The following FAM20C variants were observed in gnomAD, a reference collection of about 807,000 sequenced individuals.
FAM20C encodes FAM20C golgi associated secretory pathway kinase, also known as extracellular serine/threonine protein kinase FAM20C.
FAM20C carries 40 observed loss-of-function variants against 51.5 expected under a neutral mutation model. The ratio of observed to expected loss-of-function variants is 0.78; its 90% CI spans 0.60 to 1.01. The LOEUF (loss-of-function observed/expected upper bound fraction) is 1.01. Ranked by LOEUF, FAM20C falls within the 50% of genes least tolerant of loss-of-function variation. The pLI is 0.00. For missense variants in FAM20C, 861 were observed against 844.7 expected, an observed-to-expected ratio of 1.02 and a Z score of -0.24; for synonymous variants, 406 against 380.6, an observed-to-expected ratio of 1.07 and a Z score of -0.78.
intron 3 of FAM20C, among the ~76,000 whole-genome samples, chr7:219,018 G>A (rs1369055313): frequency 1.3e-5 from 2 of 152,178 alleles, no homozygotes; most frequent in Non-Finnish European, 1.5e-5. Flanking sequence ...CCTGTTAGTG[G>A]CTCAGACAGG....
Position 259,715 on chromosome 7 carries a change from C to A in FAM20C, c.1506-16C>A, listed in dbSNP as rs982934098. On this transcript the variant is annotated splice_polypyrimidine_tract_variant and intron_variant, in intron 9 of 9. Coordinates refer to ENST00000313766, the MANE Select transcript of FAM20C (RefSeq NM_020223.4). ...CCCCTGTCCCGTGCCAGGCCTGATG[C>A]CCCTCTCCTCCCCAGGATCCGGAAG... 3.3e-6 allele frequency: 5 copies of A among 1,526,750 alleles called. No homozygotes were observed. Among genetic ancestry groups the A allele is most frequent in the African/African-American group, 2.7e-5 (2 of 73,038 alleles). 94.6% of individuals were successfully genotyped at this position (1,526,750 alleles called of 1,614,324 possible).
chr7:195,898 G>A (rs1263622108), intron 2 of FAM20C, among the ~76,000 whole-genome samples, 166 bp downstream of exon 2: 4 of 152,242 alleles, frequency 2.6e-5, no homozygotes, highest in Non-Finnish European at 2.9e-5. Flanking sequence ...CAGAGGGCTC[G>A]CGTCTCGTGT....
chr7:195,480 G>C (rs148161040), intron 1 of FAM20C, 74 bp from the exon 2 acceptor site: 5 of 1,325,644 alleles, frequency 3.8e-6, no homozygotes, highest in Non-Finnish European at 3.9e-6. Context: ...ACTGGCGTCG[G>C]TGCCCTCTCC....
At chr7:217,114 G>T (rs758948441) in intron 3 of FAM20C, among the ~76,000 whole-genome samples, 47 of 152,172 alleles carry the variant, frequency 3.1e-4, no homozygotes, top group Non-Finnish European at 5.6e-4. Flanking sequence ...AGAGGAGGAT[G>T]GCCGTCAGCG....
rs61730252 is a variant in FAM20C at position 195,681 on chromosome 7, G to A, written c.733G>A (p.Ala245Thr). Reference protein sequence around the residue: ...RYELYSRHNPAIEALLHDLSS... With the variant: ...RYELYSRHNPTIEALLHDLSS... ...CGAGCTGTACTCCAGACACAACCCG[G>A]CCATCGAGGCCCTGCTGCACGACCT... Residue 245 changes from alanine to threonine, a missense_variant, in exon 2 of 10, where the codon GCC (alanine) becomes ACC (threonine). Ala to Thr is a moderately conservative substitution (Grantham distance 58). This residue lies in a region of FAM20C where 561 missense variants were observed against 499.8 expected (regional missense o/e 1.12). Transcript: ENST00000313766. 491 of 1,610,888 alleles carry A rather than the reference G, an allele frequency of 3.0e-4. 1 individual carries two copies. The African/African-American group carries it at 4.7e-3, about 16-fold the overall frequency.
At chr7:201,321 A>G (rs1786118136) in intron 2 of FAM20C, among the ~76,000 whole-genome samples, 1 of 152,192 alleles carries the variant, frequency 6.6e-6, no homozygotes, top group South Asian at 2.1e-4. Flanking sequence ...TGACGGCAGC[A>G]TCTCACACCT....
chr7:255,274 G>A (rs1346230690), intron 5 of FAM20C, among the ~76,000 whole-genome samples: 1 of 152,198 alleles, frequency 6.6e-6, no homozygotes, highest in East Asian at 1.9e-4. Flanking sequence ...AGCCATCCCA[G>A]CAGACAGGAG....
chr7:241,556 T>TCG (rs1554254229), intron 3 of FAM20C, among the ~76,000 whole-genome samples: 1 of 148,952 alleles, frequency 6.7e-6, no homozygotes, highest in African/African-American at 2.5e-5. Flanking sequence ...TCTGTGGGGG[T>TCG]TGTGTGTGTG....
At chr7:249,854 G>T (rs958635137) in intron 5 of FAM20C, among the ~76,000 whole-genome samples, 1 of 152,138 alleles carries the variant, frequency 6.6e-6, no homozygotes, top group Non-Finnish European at 1.5e-5. Context: ...TCCCATTTCC[G>T]ATGCTCACCT....
rs543301412 is a variant in FAM20C at position 227,418 on chromosome 7, C to T, written c.863+18442C>T. On this transcript the variant is annotated intron_variant, in intron 3 of 9. Coordinates refer to ENST00000313766, the MANE Select transcript of FAM20C (RefSeq NM_020223.4). ...AAGATCTCCTTAGACAAGCAGAGAA[C>T]GGGCTCAAACACTAGCCCCTAACTA... 5.3e-5 allele frequency: 8 copies of T among 151,982 alleles called. No homozygotes were observed. The East Asian group carries it at 5.8e-4, about 11-fold the overall frequency. 9.4% of individuals were successfully genotyped at this position (151,982 alleles called of 1,614,324 possible). A position where few individuals can be genotyped will look rare whatever the true frequency, so the allele number is the denominator to read the frequency against.
At chr7:257,411 G>A in intron 8 of FAM20C, 1 of 283,176 alleles carries the variant, frequency 3.5e-6, no homozygotes, top group South Asian at 6.5e-5. Context: ...GCCTCTGCCT[G>A]CACGCGGTAC....
At position 216,706 on chromosome 7, in the gene FAM20C, A is replaced by AGTGTGT. The variant is rs140397697; in HGVS notation, c.863+7745_863+7750dup. Among the ~76,000 whole-genome samples the AGTGTGT allele has an allele frequency of 6.0e-3, 885 of 148,394 alleles. 3 individuals carry two copies. Among genetic ancestry groups the AGTGTGT allele is most frequent in the African/African-American group, 0.015 (611 of 40,234 alleles). On this transcript the variant is annotated intron_variant, in intron 3 of 9. Transcript: ENST00000313766. ...GAGAGTGTGTGTGTGTGTGAGACAGAGTGTGTGTGTGTGTGTGTGTCCGTC... is the reference window on the plus strand; with the variant it reads ...GAGAGTGTGTGTGTGTGTGAGACAGAGTGTGTGTGTGTGTGTGTGTGTGTGTCCGTC...
intron 3 of FAM20C, among the ~76,000 whole-genome samples, chr7:223,861 T>A (rs1787346849): frequency 6.6e-6 from 1 of 152,166 alleles, no homozygotes; most frequent in East Asian, 1.9e-4. Context: ...CTCTATGGGG[T>A]CCCCTGCCCC....
At chr7:257,132 C>T (rs1422280116) in intron 8 of FAM20C, 46 bp downstream of exon 8, 2 of 1,515,428 alleles carry the variant, frequency 1.3e-6, no homozygotes, top group Non-Finnish European at 1.8e-6. Flanking sequence ...GGCCGGCCAC[C>T]TCCCAGCTAC....
chr7:257,873 T>TG (rs1788665987), intron 8 of FAM20C, among the ~76,000 whole-genome samples: 2 of 33,390 alleles, frequency 6.0e-5, no homozygotes, highest in African/African-American at 2.3e-4. Flanking sequence ...GAGATGGGGC[T>TG]GGGTGGACCC....
chr7:199,272 T>C (rs939428904), intron 2 of FAM20C, among the ~76,000 whole-genome samples: 2 of 152,244 alleles, frequency 1.3e-5, no homozygotes, highest in Non-Finnish European at 2.9e-5. Flanking sequence ...GCTAGGCCCT[T>C]GGCGTGGCCA....
intron 2 of FAM20C, among the ~76,000 whole-genome samples, chr7:205,235 TG>T (rs1583285396): frequency 1.7e-5 from 1 of 57,382 alleles, no homozygotes; most frequent in Non-Finnish European, 4.2e-5. Context: ...CCCGAGTAGC[TG>T]GGACCACAGA....
intron 5 of FAM20C, among the ~76,000 whole-genome samples, chr7:255,427 C>G (rs1000349099): frequency 1.3e-5 from 2 of 152,076 alleles, no homozygotes; most frequent in Non-Finnish European, 2.9e-5. Flanking sequence ...TTTTTTTTGT[C>G]TTTTTGTGAT....
intron 2 of FAM20C, among the ~76,000 whole-genome samples, chr7:202,446 TG>T (rs948543276): frequency 8.0e-6 from 1 of 124,306 alleles, no homozygotes; most frequent in East Asian, 2.7e-4. Context: ...TACTGGGGAA[TG>T]GGGGGGCGCT....
Sources: allele counts gnomAD v4.1 joint callset (sites outside exome capture counted in the v4.1 genomes callset), GRCh38; gene constraint gnomAD v4.1.1; regional missense constraint gnomAD v4.1.1; transcripts MANE v1.5; gene names NCBI Gene and HGNC (gene_info 2026-07-23, HGNC 2026-07-21).